Variants in MAPT observed in about 807,000 individuals in gnomAD.
The protein encoded by MAPT is microtubule associated protein tau, also known as microtubule-associated protein tau.
In MAPT, 34 loss-of-function variants were observed where a neutral mutation model predicts 67.9. The ratio of observed to expected loss-of-function variants is 0.50; its 90% confidence interval spans 0.38 to 0.67. The LOEUF (loss-of-function observed/expected upper bound fraction) is 0.67. Among genes scored for constraint, MAPT ranks in the 30% least tolerant of loss-of-function variants. The probability of loss-of-function intolerance (pLI) is 0.00; values close to 1 mark genes in which losing one functional copy is unlikely to be tolerated. For missense variants in MAPT, 881 were observed against 1,115.2 expected, an observed-to-expected ratio of 0.79 and a Z score of 2.99; for synonymous variants, 456 against 464.5, an observed-to-expected ratio of 0.98 and a Z score of 0.23.
chr17:45,909,869 CAAAAAAAAAAAA>C (rs59131080), intron 1 of MAPT, among the ~76,000 whole-genome samples: 32 of 59,862 alleles, frequency 5.3e-4, no homozygotes, highest in African/African-American at 2.0e-3. Context: ...GACTCTGTCT[CAAAAAAAAAAAA>C]AAAAAAAAAA....
rs2075773825 is a variant in MAPT at position 46,010,801 on chromosome 17, G to A, written c.2091+399G>A. Among the ~76,000 whole-genome samples the A allele has an allele frequency of 6.6e-6, 1 of 152,250 alleles. No individual in the cohort carries two copies. The highest frequency in any genetic ancestry group is 2.1e-4 in the South Asian group (1 of 4,828). ...ATTGGAAGTTGGGCTGAAGGTGGTG[G>A]CACCTGAGACTGGGCTGCCGCCTCC... On this transcript the variant is annotated intron_variant, in intron 10 of 12. Coordinates refer to ENST00000262410, the MANE Select transcript of MAPT (RefSeq NM_001377265.1). This position sits in a 1 kb window ranked among gnomAD's most constrained non-coding sequence, Gnocchi z 4.7.
chr17:46,017,303 C>T (rs1161177747), intron 11 of MAPT, among the ~76,000 whole-genome samples: 2 of 152,076 alleles, frequency 1.3e-5, no homozygotes, highest in Non-Finnish European at 2.9e-5. Context: ...GAGAGGGACC[C>T]TTCTTCTGTT....
chr17:45,905,464 A>ATG (rs2064239505), intron 1 of MAPT, among the ~76,000 whole-genome samples: 1 of 152,192 alleles, frequency 6.6e-6, no homozygotes, highest in Non-Finnish European at 1.5e-5. Context: ...TCATGAACCA[A>ATG]TGTTCGATGG....
intron 1 of MAPT, among the ~76,000 whole-genome samples, chr17:45,924,724 G>T (rs1227662941): frequency 3.3e-5 from 5 of 152,242 alleles, no homozygotes; most frequent in Non-Finnish European, 7.3e-5. Context: ...TGGCTTATGG[G>T]AACTATCCCA....
chr17:45,912,588 T>A (rs1341350168), intron 1 of MAPT, among the ~76,000 whole-genome samples: 1 of 152,202 alleles, frequency 6.6e-6, no homozygotes, highest in Admixed American at 6.5e-5. Context: ...GCTGACACCT[T>A]AGCTTCAACC....
At chr17:45,994,909 G>A (rs373702386) in intron 8 of MAPT, among the ~76,000 whole-genome samples, 1 of 152,010 alleles carries the variant, frequency 6.6e-6, no homozygotes, top group Admixed American at 6.6e-5. Context: ...TTAGCCAGGC[G>A]TGGTGCTGCA....
chr17:45,985,574 A>C (rs190248085), intron 5 of MAPT: 58 of 464,532 alleles, frequency 1.2e-4, no homozygotes, highest in African/African-American at 1.2e-3. Context: ...AGAGCCTTTA[A>C]TGTACTAATG....
At chr17:45,910,256 T>G (rs1035397184) in intron 1 of MAPT, among the ~76,000 whole-genome samples, 1 of 152,180 alleles carries the variant, frequency 6.6e-6, no homozygotes, top group African/African-American at 2.4e-5. Context: ...ACAGTTTATA[T>G]GATCTCATTT....
intron 1 of MAPT, among the ~76,000 whole-genome samples, chr17:45,921,395 C>G (rs562207535): frequency 6.6e-6 from 1 of 152,206 alleles, no homozygotes; most frequent in Non-Finnish European, 1.5e-5. Context: ...GCATTCCCCA[C>G]GCACATTAGC....
chr17:46,004,660 T>C (rs2075284376), intron 9 of MAPT, among the ~76,000 whole-genome samples: 1 of 152,232 alleles, frequency 6.6e-6, no homozygotes. Flanking sequence ...CAATTGGCAG[T>C]AGTTCAGGTC....
At chr17:46,003,347 C>T (rs1042145576) in intron 9 of MAPT, among the ~76,000 whole-genome samples, 2 of 151,900 alleles carry the variant, frequency 1.3e-5, no homozygotes, top group Admixed American at 6.6e-5. Context: ...GGTGCAATCT[C>T]GGCTCACTGC....
chr17:45,901,302 T>A (rs1597824339), intron 1 of MAPT, among the ~76,000 whole-genome samples: 1 of 152,328 alleles, frequency 6.6e-6, no homozygotes, highest in East Asian at 1.9e-4. Context: ...GTGACCTGGC[T>A]TAGTACATCG....
intron 5 of MAPT, chr17:45,985,680 G>A (rs927008284): frequency 1.2e-5 from 12 of 985,286 alleles, no homozygotes; most frequent in East Asian, 1.1e-4. Flanking sequence ...GGGAAATGCC[G>A]ATTTAGCAGA....
In MAPT at chr17:45,913,491, A is replaced by G. The variant is rs984942590; in HGVS notation, c.-18+18805A>G. On this transcript the variant is annotated intron_variant, in intron 1 of 12. Transcript: ENST00000262410. ...GTGAGCTCAGGTGGTTCTTCAGTGCATTTCTGATACCTGAACCTTCCCTGG... is the reference window on the plus strand; with the variant it reads ...GTGAGCTCAGGTGGTTCTTCAGTGCGTTTCTGATACCTGAACCTTCCCTGG... 8.5e-5 allele frequency among the ~76,000 whole-genome samples: 13 copies of G among 152,278 alleles called. No homozygotes were observed. In the Middle Eastern group the frequency reaches 0.01, roughly 120 times the overall value.
At chr17:45,925,884 TAAG>T (rs1395835918) in intron 1 of MAPT, among the ~76,000 whole-genome samples, 1 of 152,212 alleles carries the variant, frequency 6.6e-6, no homozygotes, top group Non-Finnish European at 1.5e-5. Flanking sequence ...GTTTTTAAAA[TAAG>T]AAAAATTTTA....
rs890925214 is a variant in MAPT at position 45,995,728 on chromosome 17, G to A, written c.1733-671G>A. 5.3e-5 allele frequency among the ~76,000 whole-genome samples: 8 copies of A among 152,166 alleles called. No individual in the cohort carries two copies. The highest frequency in any genetic ancestry group is 4.4e-5 in the Non-Finnish European group (3 of 68,026). On this transcript the variant is annotated intron_variant, in intron 8 of 12. Coordinates refer to ENST00000262410, the MANE Select transcript of MAPT (RefSeq NM_001377265.1). This position sits in a 1 kb window ranked among gnomAD's most constrained non-coding sequence, Gnocchi z 4.3. ...ACAGCAGCATGAAGCGGTATGGCTC[G>A]TGTGGACAGCTAGGGACAGGCAGGC...
chr17:46,009,363 T>TTGCAGGGACAGAGCCC (rs1450185518), intron 9 of MAPT, among the ~76,000 whole-genome samples: 6 of 114,518 alleles, frequency 5.2e-5, no homozygotes, highest in Admixed American at 1.9e-4. Flanking sequence ...TATTTCATAG[T>TTGCAGGGACAGAGCCC]TCTTAGGCAA....
intron 6 of MAPT, among the ~76,000 whole-genome samples, chr17:45,989,608 A>G (rs1448110435): frequency 1.3e-5 from 2 of 152,194 alleles, no homozygotes; most frequent in East Asian, 1.9e-4. Context: ...CCGAGATTGC[A>G]CCACTGCAGT....
At chr17:45,941,737 T>TCCTG (rs1568208461) in intron 1 of MAPT, among the ~76,000 whole-genome samples, 1 of 131,648 alleles carries the variant, frequency 7.6e-6, no homozygotes, top group South Asian at 2.5e-4. Context: ...CTTCCTTCCT[T>TCCTG]CCTTCCTTCC....
Sources: allele counts gnomAD v4.1 joint callset (sites outside exome capture counted in the v4.1 genomes callset), GRCh38; gene constraint gnomAD v4.1.1; non-coding constraint Gnocchi (gnomAD v3.1); transcripts MANE v1.5; gene names NCBI Gene and HGNC (gene_info 2026-07-23, HGNC 2026-07-21).